The following ANKRD12 variants were observed in gnomAD, a reference collection of about 807,000 sequenced individuals.
ANKRD12 encodes ankyrin repeat domain-containing protein 12.
In ANKRD12, 85 loss-of-function variants were observed where a neutral mutation model predicts 183.4. That is an observed-to-expected ratio of 0.46 (90% CI 0.39 to 0.56). The LOEUF (loss-of-function observed/expected upper bound fraction) is 0.56. Among genes scored for constraint, ANKRD12 ranks in the 20% least tolerant of loss-of-function variants. ANKRD12 has a pLI of 0.00. For synonymous variants in ANKRD12, 914 were observed against 800.2 expected, an observed-to-expected ratio of 1.14 and a Z score of -2.40; for missense variants, 2,405 against 2,357.1, an observed-to-expected ratio of 1.02 and a Z score of -0.42.
At chr18:9,183,817 T>C (rs1161752714) in intron 2 of ANKRD12, among the ~76,000 whole-genome samples, 2 of 152,356 alleles carry the variant, frequency 1.3e-5, no homozygotes, top group East Asian at 1.9e-4. Flanking sequence ...CTATGACTTA[T>C]ATCTGATGAT....
intron 1 of ANKRD12, among the ~76,000 whole-genome samples, chr18:9,162,272 A>C: frequency 7.3e-6 from 1 of 136,856 alleles, no homozygotes; most frequent in East Asian, 2.1e-4. Flanking sequence ...CGTTGAGCTC[A>C]CACTTATAAG....
intron 3 of ANKRD12, among the ~76,000 whole-genome samples, chr18:9,198,830 G>A (rs1437645698): frequency 1.3e-5 from 2 of 152,122 alleles, no homozygotes; most frequent in Non-Finnish European, 2.9e-5. Flanking sequence ...ACAGGAGTGA[G>A]CCAACATGCC....
In ANKRD12 at chr18:9,256,228, A is replaced by C. The variant is rs540444226; in HGVS notation, c.2961A>C (p.Val987=). The change falls in exon 9 of 13, where the codon GTA becomes GTC. Residue 987 remains valine, a synonymous_variant. Coordinates refer to ENST00000262126, the MANE Select transcript of ANKRD12 (RefSeq NM_015208.5). ...HIQEEKKSSI[V]DGNKAQHEKP... is the part of the protein sequence containing the mutation. The stretch of plus-strand genomic sequence containing the variant: ...AGGAAGAAAAAAAATCAAGTATAGT[A>C]GACGGTAATAAAGCACAACATGAAA... The C allele has an allele frequency of 1.4e-5, 22 of 1,594,810 alleles. No individual in the cohort carries two copies. Among genetic ancestry groups the C allele is most frequent in the Non-Finnish European group, 1.8e-5 (21 of 1,174,300 alleles).
chr18:9,189,961 G>T (rs991072643), intron 2 of ANKRD12, among the ~76,000 whole-genome samples: 1 of 152,184 alleles, frequency 6.6e-6, no homozygotes, highest in African/African-American at 2.4e-5. Context: ...TATTAAAGAA[G>T]TATGCTTTGT....
chr18:9,256,577 C>A lies in ANKRD12; in HGVS notation c.3310C>A (p.Gln1104Lys). ...CAAAAAACATAAGGAAAAAATTAAG[C>A]AAAAAGAAAAGGAACGGTTGAGAAA... ...WHKKHKEKIK[Q>K]KEKERLRNRN... The change falls in exon 9 of 13, where the codon CAA becomes AAA. Residue 1104 changes from glutamine to lysine, a missense_variant. Physicochemically the swap from Gln to Lys is moderately conservative, Grantham distance 53. This residue lies in a region of ANKRD12 where 1,983 missense variants were observed against 1,725.9 expected (regional missense o/e 1.15). Coordinates refer to ENST00000262126, the MANE Select transcript of ANKRD12 (RefSeq NM_015208.5). The A allele has an allele frequency of 6.3e-7, 1 of 1,594,246 alleles. No individual in the cohort carries two copies. Among genetic ancestry groups the A allele is most frequent in the Non-Finnish European group, 8.5e-7 (1 of 1,175,254 alleles).
chr18:9,153,166 T>C (rs1011133471), intron 1 of ANKRD12, among the ~76,000 whole-genome samples: 24 of 152,210 alleles, frequency 1.6e-4, no homozygotes, highest in African/African-American at 5.8e-4. Flanking sequence ...GAGTGCCTAC[T>C]CAAAAGCAGA....
chr18:9,217,000 T>C, intron 7 of ANKRD12, 100 bp downstream of exon 7: 1 of 1,100,576 alleles, frequency 9.1e-7, no homozygotes, highest in East Asian at 2.7e-5. Flanking sequence ...CTGTGTCATA[T>C]TCCACTCATT....
At chr18:9,206,038 A>G (rs2035468090) in intron 4 of ANKRD12, among the ~76,000 whole-genome samples, 1 of 152,142 alleles carries the variant, frequency 6.6e-6, no homozygotes, top group South Asian at 2.1e-4. Flanking sequence ...TCAGCATTAT[A>G]AAACTGGAAC....
rs34220366 is a variant in ANKRD12, at chr18:9,196,189, T to TACACACACACACAC, written c.235+512_235+525dup. ...GCCTCAGTGCTTTTCATAGAATTTTTACACACACACACACACACACACACA... is the reference window on the plus strand; with the variant it reads ...GCCTCAGTGCTTTTCATAGAATTTTTACACACACACACACACACACACACACACACACACACACA... On this transcript the variant is annotated intron_variant, in intron 3 of 12. Transcript: ENST00000262126. Among the ~76,000 whole-genome samples, 380 of 51,650 alleles carry TACACACACACACAC rather than the reference T, an allele frequency of 7.4e-3. 2 individuals carry two copies. Among genetic ancestry groups the TACACACACACACAC allele is most frequent in the African/African-American group, 0.017 (256 of 15,166 alleles). 33.9% of individuals were successfully genotyped at this position (51,650 alleles called of 152,430 possible). A position where few individuals can be genotyped will look rare whatever the true frequency, so the allele number is the denominator to read the frequency against.
In ANKRD12 at chr18:9,256,047, A is replaced by C. The variant is rs953225175; in HGVS notation, c.2780A>C (p.Glu927Ala). 2 of 1,563,036 alleles carry C rather than the reference A, an allele frequency of 1.3e-6. No homozygotes were observed. Among genetic ancestry groups the C allele is most frequent in the Admixed American group, 4.2e-5 (2 of 47,296 alleles). The change falls in exon 9 of 13, where the codon GAA becomes GCA. Residue 927 changes from glutamate to alanine, a missense_variant. Physicochemically the swap from Glu to Ala is moderately radical, Grantham distance 107. Around this residue, in one of 7 missense-constraint regions of ANKRD12, gnomAD observed 1,983 missense variants for 1,725.9 expected, o/e 1.15. Transcript: ENST00000262126. ...EKERHLAESKEKHLMEKKNKQ... is the reference protein window; with the variant it reads ...EKERHLAESKAKHLMEKKNKQ... ...GAGAGGCATCTAGCAGAAAGCAAAG[A>C]AAAGCACTTGATGGAGAAAAAAAAT...
At chr18:9,214,873 C>T (rs868679315) in intron 6 of ANKRD12, among the ~76,000 whole-genome samples, 5 of 152,034 alleles carry the variant, frequency 3.3e-5, no homozygotes, top group Middle Eastern at 3.4e-3. Flanking sequence ...AGCTTTTATG[C>T]GAATGCAAGA....
intron 1 of ANKRD12, among the ~76,000 whole-genome samples, chr18:9,155,238 G>A (rs1168707964): frequency 6.6e-6 from 1 of 152,164 alleles, no homozygotes; most frequent in Admixed American, 6.5e-5. Context: ...AGTGACTATA[G>A]TCAAAAATAA....
chr18:9,231,165 T>C (rs1271195261), intron 8 of ANKRD12, among the ~76,000 whole-genome samples: 2 of 152,212 alleles, frequency 1.3e-5, no homozygotes, highest in East Asian at 3.8e-4. Flanking sequence ...GAGACTAGTT[T>C]TGTGGCCTAA....
intron 7 of ANKRD12, among the ~76,000 whole-genome samples, chr18:9,218,587 G>T (rs1463450118): frequency 6.6e-6 from 1 of 152,056 alleles, no homozygotes; most frequent in African/African-American, 2.4e-5. Flanking sequence ...ATTATAGAGA[G>T]GATTAACATA....
chr18:9,201,591 A>C (rs1033329991), intron 3 of ANKRD12, among the ~76,000 whole-genome samples: 1 of 152,192 alleles, frequency 6.6e-6, no homozygotes, highest in Admixed American at 6.5e-5. Flanking sequence ...AATTATACCT[A>C]GTTAGAAAGC....
intron 2 of ANKRD12, among the ~76,000 whole-genome samples, chr18:9,185,221 A>G (rs966667000): frequency 6.6e-6 from 1 of 152,224 alleles, no homozygotes; most frequent in Non-Finnish European, 1.5e-5. Context: ...TGTGCCTTGC[A>G]AAGGATCTTG....
chr18:9,281,240 G>T lies in ANKRD12; in HGVS notation c.*114G>T. On this transcript the variant is annotated 3_prime_UTR_variant, in exon 13 of 13. Coordinates refer to ENST00000262126, the MANE Select transcript of ANKRD12 (RefSeq NM_015208.5). ...GCCTTTACAATTGTTAGTAAAGTTC[G>T]ATTATAGTTGGTTATGTAGTAAACA... The T allele has an allele frequency of 2.3e-6, 2 of 854,986 alleles. No individual in the cohort carries two copies. The highest frequency in any genetic ancestry group is 2.0e-5 in the South Asian group (1 of 49,498). The allele number at this position is 854,986 out of a possible 1,614,324, so 53.0% of individuals were successfully genotyped here. A position where few individuals can be genotyped will look rare whatever the true frequency, so the allele number is the denominator to read the frequency against.
In ANKRD12 at chr18:9,279,344, C is replaced by T. The variant is rs73396112; in HGVS notation, c.5908-205C>T. Among the ~76,000 whole-genome samples, 1,450 of 152,222 alleles carry T rather than the reference C, an allele frequency of 9.5e-3. 24 individuals carry two copies. The highest frequency in any genetic ancestry group is 0.033 in the African/African-American group (1,371 of 41,528). On this transcript the variant is annotated intron_variant, in intron 11 of 12. Transcript: ENST00000262126. The stretch of plus-strand genomic sequence containing the variant: ...CTATTTTAATTAATAATTAAACCTA[C>T]CATCCCAAGAATTCTAATAACCAAT...
Position 9,255,120 on chromosome 18 carries a change from A to G in ANKRD12, c.1853A>G (p.Glu618Gly). The G allele has an allele frequency of 6.3e-7, 1 of 1,582,018 alleles. No individual in the cohort carries two copies. The highest frequency in any genetic ancestry group is 1.2e-5 in the South Asian group (1 of 84,552). The change falls in exon 9 of 13, where the codon GAA (glutamate) becomes GGA (glycine). Residue 618 changes from glutamate (E) to glycine (G), a missense_variant. Glu to Gly is a moderately conservative substitution (Grantham distance 98, BLOSUM62 -2). Coordinates refer to ENST00000262126, the MANE Select transcript of ANKRD12 (RefSeq NM_015208.5). ...HQKDFHLEFG[E>G]KSNAKIKDED... is the part of the protein sequence containing the mutation. ...AAAGATTTCCACTTAGAATTTGGTGAAAAATCAAATGCCAAAATAAAGGAT... is the reference window on the plus strand; with the variant it reads ...AAAGATTTCCACTTAGAATTTGGTGGAAAATCAAATGCCAAAATAAAGGAT...
Sources: gnomAD v4.1 joint callset for allele counts (sites outside exome capture counted in the v4.1 genomes callset) on GRCh38, gnomAD v4.1.1 for gene constraint, gnomAD v4.1.1 regional missense constraint, MANE v1.5 for transcripts, NCBI Gene and HGNC (gene_info 2026-07-23, HGNC 2026-07-21) for gene names.